Variants in KLHL1 observed in about 807,000 individuals in gnomAD.
KLHL1 encodes the protein kelch like family member 1.
KLHL1 carries 47 observed loss-of-function variants against 77.7 expected under a neutral mutation model. The observed-to-expected ratio is 0.60, with a 90% confidence interval of 0.48 to 0.77. The LOEUF (loss-of-function observed/expected upper bound fraction) is 0.77, where lower values mean the gene tolerates loss of function less well. Among genes scored for constraint, KLHL1 ranks in the 30% least tolerant of loss-of-function variants. The pLI, the probability that KLHL1 is intolerant of heterozygous loss-of-function variation, is 0.00. For missense variants in KLHL1, 925 were observed against 910.8 expected (o/e 1.02, Z -0.20); for synonymous variants, 360 against 325.2 (o/e 1.11, Z -1.15).
intron 4 of KLHL1, among the ~76,000 whole-genome samples, chr13:69,933,622 C>T (rs1457526675): frequency 2.0e-5 from 3 of 152,106 alleles, no homozygotes; most frequent in Non-Finnish European, 4.4e-5. Context: ...GGCAGCTACT[C>T]TTACACTGAC....
At chr13:69,746,831 A>G (rs1874236788) in intron 7 of KLHL1, among the ~76,000 whole-genome samples, 1 of 152,032 alleles carries the variant, frequency 6.6e-6, no homozygotes, top group Non-Finnish European at 1.5e-5. Flanking sequence ...ATTCTGAAGC[A>G]TATGAAAAAC....
chr13:69,759,419 GC>G (rs1874913889), intron 7 of KLHL1, among the ~76,000 whole-genome samples: 1 of 152,048 alleles, frequency 6.6e-6, no homozygotes. Flanking sequence ...GAAGACACAG[GC>G]AAAAATGTCT....
chr13:69,979,725 G>T (rs1372478821), intron 1 of KLHL1, among the ~76,000 whole-genome samples: 1 of 152,068 alleles, frequency 6.6e-6, no homozygotes, highest in Non-Finnish European at 1.5e-5. Context: ...TACAAAGCTT[G>T]AAGTTACAAG....
intron 7 of KLHL1, among the ~76,000 whole-genome samples, chr13:69,773,667 G>A (rs567078112): frequency 6.6e-6 from 1 of 151,696 alleles, no homozygotes; most frequent in Non-Finnish European, 1.5e-5. Context: ...TTCGAGTATG[G>A]AGCACAGAAC....
At chr13:69,780,115 C>G (rs1275918092) in intron 7 of KLHL1, among the ~76,000 whole-genome samples, 6 of 152,066 alleles carry the variant, frequency 3.9e-5, no homozygotes, top group Non-Finnish European at 8.8e-5. Context: ...GCCATTTTTT[C>G]TATTTTATCA....
intron 7 of KLHL1, among the ~76,000 whole-genome samples, chr13:69,768,239 T>C (rs1408446840): frequency 1.3e-5 from 2 of 152,194 alleles, no homozygotes; most frequent in East Asian, 1.9e-4. Context: ...TTGCATTTTT[T>C]CTAGATTGTA....
intron 7 of KLHL1, among the ~76,000 whole-genome samples, chr13:69,795,330 A>G (rs976978991): frequency 6.6e-6 from 1 of 152,172 alleles, no homozygotes; most frequent in African/African-American, 2.4e-5. Flanking sequence ...AATGCAAAAT[A>G]CAGTGCTGGG....
rs1232052547 is a variant in KLHL1, at chr13:69,981,100, A to G, written c.498-5298T>C. The stretch of plus-strand genomic sequence containing the variant: ...TTTGTGGCATAAATTGTAATTTTTG[A>G]ACATCAAATAGTTTCCAGAGCTCAT... On this transcript the variant is annotated intron_variant, in intron 1 of 10. Coordinates refer to ENST00000377844, the MANE Select transcript of KLHL1 (RefSeq NM_020866.3). 2.6e-5 allele frequency among the ~76,000 whole-genome samples: 4 copies of G among 152,272 alleles called. No homozygotes were observed. The East Asian group carries it at 7.7e-4, about 29-fold the overall frequency.
At position 69,982,204 on chromosome 13, in the gene KLHL1, C is replaced by T. The variant is rs559077742; in HGVS notation, c.498-6402G>A. ...ATCCTAGCACTTTGGGAGGCCAAGG[C>T]GGGCGGATTACCTGAGTTCAGGAGT... On this transcript the variant is annotated intron_variant, in intron 1 of 10. Coordinates refer to ENST00000377844, the MANE Select transcript of KLHL1 (RefSeq NM_020866.3). Among the ~76,000 whole-genome samples the T allele has an allele frequency of 3.6e-4, 54 of 151,750 alleles. No homozygotes were observed. In the South Asian group the frequency reaches 5.2e-3, roughly 15 times the overall value.
chr13:69,743,793 A>C (rs1874084548), intron 7 of KLHL1, among the ~76,000 whole-genome samples: 3 of 147,614 alleles, frequency 2.0e-5, no homozygotes, highest in African/African-American at 5.1e-5. Flanking sequence ...CTCAAAAAAA[A>C]CACCAAAAAA....
chr13:70,073,644 G>C (rs1421189707), intron 1 of KLHL1, among the ~76,000 whole-genome samples: 1 of 152,038 alleles, frequency 6.6e-6, no homozygotes, highest in African/African-American at 2.4e-5. Context: ...GGGTGTGGTG[G>C]TGTGCACCTG....
chr13:70,097,747 G>A (rs1174831433), intron 1 of KLHL1, among the ~76,000 whole-genome samples: 1 of 151,844 alleles, frequency 6.6e-6, no homozygotes, highest in Non-Finnish European at 1.5e-5. Context: ...CCTTAAGATG[G>A]AATTAGCCTT....
intron 7 of KLHL1, among the ~76,000 whole-genome samples, chr13:69,764,923 T>TCTTTG: frequency 7.1e-6 from 1 of 141,376 alleles, no homozygotes; most frequent in Non-Finnish European, 1.5e-5. Context: ...TTCATGTATA[T>TCTTTG]CTTTGCTTTT....
chr13:69,805,307 G>C (rs909002799), intron 6 of KLHL1, among the ~76,000 whole-genome samples: 1 of 151,800 alleles, frequency 6.6e-6, no homozygotes, highest in East Asian at 1.9e-4. Flanking sequence ...TGTTGAAGTA[G>C]ATCTATAAAT....
intron 5 of KLHL1, among the ~76,000 whole-genome samples, chr13:69,864,713 T>G (rs1880307682): frequency 6.6e-6 from 1 of 152,160 alleles, no homozygotes; most frequent in Non-Finnish European, 1.5e-5. Context: ...TCCTTTACAT[T>G]GCAAGATGCA....
intron 5 of KLHL1, among the ~76,000 whole-genome samples, chr13:69,874,470 T>C (rs1241528580): frequency 2.0e-5 from 3 of 152,194 alleles, no homozygotes; most frequent in Non-Finnish European, 1.5e-5. Context: ...GTTTAATTAA[T>C]TCAGTTTTCC....
chr13:70,089,377 A>C (rs1887620891), intron 1 of KLHL1, among the ~76,000 whole-genome samples: 1 of 152,182 alleles, frequency 6.6e-6, no homozygotes, highest in Non-Finnish European at 1.5e-5. Context: ...TATTAAAAAT[A>C]GAAAGCCTAT....
intron 1 of KLHL1, among the ~76,000 whole-genome samples, chr13:70,015,039 T>C (rs969070694): frequency 6.6e-6 from 1 of 152,120 alleles, no homozygotes; most frequent in African/African-American, 2.4e-5. Context: ...TTTACACTAA[T>C]GAAAAGTGAT....
intron 9 of KLHL1, among the ~76,000 whole-genome samples, chr13:69,713,153 G>C (rs1253892033): frequency 6.6e-6 from 1 of 152,062 alleles, no homozygotes; most frequent in Non-Finnish European, 1.5e-5. Flanking sequence ...TATATTGACT[G>C]AGTATATAGC....
Sources: allele counts gnomAD v4.1 joint callset (sites outside exome capture counted in the v4.1 genomes callset), GRCh38; gene constraint gnomAD v4.1.1; transcripts MANE v1.5; gene names NCBI Gene and HGNC (gene_info 2026-07-23, HGNC 2026-07-21).